Variants in HIF3A observed in about 807,000 individuals in gnomAD.
The protein encoded by HIF3A is hypoxia-inducible factor 3-alpha.
HIF3A carries 41 observed loss-of-function variants against 67.2 expected under a neutral mutation model. The observed-to-expected ratio is 0.61, with a 90% CI of 0.48 to 0.79. HIF3A has a LOEUF of 0.79. Ranked by LOEUF, HIF3A falls within the 30% of genes least tolerant of loss-of-function variation. HIF3A has a pLI of 0.00. For missense variants in HIF3A, 855 were observed against 898.0 expected, an observed-to-expected ratio of 0.95 and a Z score of 0.61; for synonymous variants, 356 against 374.8, an observed-to-expected ratio of 0.95 and a Z score of 0.58.
chr19:46,312,298 C>G, intron 7 of HIF3A, 31 bp downstream of exon 7: 1 of 1,613,936 alleles, frequency 6.2e-7, no homozygotes, highest in Non-Finnish European at 8.5e-7. Flanking sequence ...GGTGCGAAGC[C>G]AGCTGCCACA....
intron 8 of HIF3A, among the ~76,000 whole-genome samples, chr19:46,319,054 A>T (rs562159584): frequency 1.1e-3 from 164 of 152,092 alleles, no homozygotes; most frequent in Non-Finnish European, 1.5e-3. Flanking sequence ...CTTGATGAGG[A>T]TATATTTGTG....
At chr19:46,313,475 A>C (rs1381925914) in intron 8 of HIF3A, 1 of 185,562 alleles carries the variant, frequency 5.4e-6, no homozygotes, top group East Asian at 1.9e-4. Flanking sequence ...AAAAAAAAAA[A>C]AAACCTGAAA....
intron 1 of HIF3A, among the ~76,000 whole-genome samples, chr19:46,298,743 C>A (rs1186497651): frequency 6.6e-6 from 1 of 152,130 alleles, no homozygotes; most frequent in East Asian, 1.9e-4. Flanking sequence ...AGAGAGACTC[C>A]CCCAGACCCC....
At chr19:46,319,499 T>C (rs1461271399) in intron 8 of HIF3A, among the ~76,000 whole-genome samples, 2 of 151,944 alleles carry the variant, frequency 1.3e-5, no homozygotes, top group Admixed American at 6.6e-5. Context: ...TGAAGGGAGG[T>C]GCCAGGGACA....
intron 8 of HIF3A, among the ~76,000 whole-genome samples, chr19:46,319,172 C>T (rs1210564625): frequency 2.6e-5 from 4 of 152,074 alleles, no homozygotes; most frequent in African/African-American, 7.2e-5. Flanking sequence ...TGTATGTGAG[C>T]GCTCCTGTTT....
At chr19:46,338,261 G>A (rs2147333048) in intron 14 of HIF3A, 1 of 454,226 alleles carries the variant, frequency 2.2e-6, no homozygotes, top group South Asian at 1.6e-5. Flanking sequence ...GAGTGCAGTG[G>A]CACAAACACA....
In HIF3A at chr19:46,309,199, A is replaced by T. The variant is rs1969199795; in HGVS notation, c.610A>T (p.Thr204Ser). ...GAGGGCCTACAAGCCACCTGCGCAGACTTCTCCAGCTGGGAGCCCTGACTC... is the reference window on the plus strand; with the variant it reads ...GAGGGCCTACAAGCCACCTGCGCAGTCTTCTCCAGCTGGGAGCCCTGACTC... ...HMRAYKPPAQTSPAGSPDSEP... is the reference protein window; with the variant it reads ...HMRAYKPPAQSSPAGSPDSEP... Residue 204 changes from threonine (T) to serine (S), a missense_variant, in exon 6 of 15, where the codon ACT becomes TCT. Thr to Ser is a moderately conservative substitution (Grantham distance 58). This residue lies in a region of HIF3A where 638 missense variants were observed against 660.5 expected (regional missense o/e 0.97). Coordinates refer to ENST00000377670, the MANE Select transcript of HIF3A (RefSeq NM_152795.4). The T allele has an allele frequency of 6.2e-7, 1 of 1,613,860 alleles. No individual in the cohort carries two copies. Among genetic ancestry groups the T allele is most frequent in the African/African-American group, 1.3e-5 (1 of 74,864 alleles).
Position 46,341,846 on chromosome 19 carries a change from G to A in HIF3A, c.*2224G>A, listed in dbSNP as rs1453162783. 1.3e-5 allele frequency: 2 copies of A among 151,704 alleles called. No homozygotes were observed. The highest frequency in any genetic ancestry group is 4.8e-5 in the African/African-American group (2 of 41,288). 9.4% of individuals were successfully genotyped at this position (151,704 alleles called of 1,614,324 possible). ...TTTAGTAGAGACGGGGTTTTGCCAA[G>A]TTGGAGGGGCTGGTCTTGAACTCTT... On this transcript the variant is annotated 3_prime_UTR_variant, in exon 15 of 15. Coordinates refer to ENST00000377670, the MANE Select transcript of HIF3A (RefSeq NM_152795.4).
intron 6 of HIF3A, 127 bp from the exon 7 acceptor site, chr19:46,312,034 C>T: frequency 1.2e-6 from 1 of 800,204 alleles, no homozygotes; most frequent in South Asian, 1.3e-5. Context: ...CTCCTTTTCT[C>T]TCGGTTACAA....
intron 11 of HIF3A, among the ~76,000 whole-genome samples, chr19:46,327,998 T>C (rs182232727): frequency 8.5e-5 from 13 of 152,322 alleles, no homozygotes; most frequent in Non-Finnish European, 1.9e-4. Context: ...AGAGTTTTTA[T>C]TGGGGTTTCA....
At chr19:46,332,010 G>GA (rs369442758) in intron 13 of HIF3A, among the ~76,000 whole-genome samples, 116 of 152,240 alleles carry the variant, frequency 7.6e-4, no homozygotes, top group Middle Eastern at 3.4e-3. Context: ...TGGATTACTA[G>GA]TGCAGAGTTC....
chr19:46,313,261 AC>A, intron 8 of HIF3A: 1 of 964,956 alleles, frequency 1.0e-6, no homozygotes, highest in South Asian at 4.8e-5. Flanking sequence ...AAACAAACAA[AC>A]AAACAAACAA....
rs149147068 is a variant in HIF3A, at chr19:46,308,702, G to C, written c.488G>C (p.Cys163Ser). ...AAGGTGGAGGCCCCCACGGAGCGGT[G>C]CTTCTCCTTGCGCATGAAGAGTACA... ...RRKVEAPTER[C>S]FSLRMKSTLT... Residue 163 changes from cysteine (C) to serine (S), a missense_variant, in exon 5 of 15, where the codon TGC becomes TCC. By Grantham distance (112) the Cys-to-Ser change is moderately radical. Transcript: ENST00000377670. 3.9e-5 allele frequency: 63 copies of C among 1,610,714 alleles called. No homozygotes were observed. The African/African-American group carries it at 6.9e-4, about 18-fold the overall frequency.
intron 8 of HIF3A, among the ~76,000 whole-genome samples, chr19:46,313,905 A>AC (rs1346827857): frequency 4.0e-5 from 6 of 151,074 alleles, no homozygotes; most frequent in Non-Finnish European, 5.9e-5. Flanking sequence ...CAGGTGATCC[A>AC]CCCCCCTCAG....
intron 8 of HIF3A, among the ~76,000 whole-genome samples, chr19:46,319,755 C>T (rs572783721): frequency 6.6e-6 from 1 of 152,140 alleles, no homozygotes; most frequent in African/African-American, 2.4e-5. Context: ...GCTCTTTGCC[C>T]CTGGGCCTCC....
At chr19:46,308,818 G>A (rs1353994745) in intron 5 of HIF3A, 43 bp downstream of exon 5, 38 of 1,313,914 alleles carry the variant, frequency 2.9e-5, no homozygotes, top group Non-Finnish European at 2.8e-5. Flanking sequence ...CGCTGGGGCT[G>A]GGTGTGAGCC....
At chr19:46,334,855 T>C (rs1971491207) in intron 13 of HIF3A, 50 bp from the exon 14 acceptor site, 1 of 1,488,048 alleles carries the variant, frequency 6.7e-7, no homozygotes, top group Non-Finnish European at 9.3e-7. Context: ...GGCTGTTCCT[T>C]GGATACTAAT....
At chr19:46,321,059 C>T (rs541938771) in intron 9 of HIF3A, among the ~76,000 whole-genome samples, 34 of 152,300 alleles carry the variant, frequency 2.2e-4, no homozygotes, top group African/African-American at 8.2e-4. Context: ...GCCACCCATG[C>T]TCCTGGGTGT....
intron 10 of HIF3A, among the ~76,000 whole-genome samples, chr19:46,323,092 C>T (rs1271552339): frequency 1.6e-4 from 24 of 151,424 alleles, no homozygotes; most frequent in African/African-American, 5.8e-4. Context: ...CTCTTATCGC[C>T]CAGGCTGGAG....
Sources: allele counts gnomAD v4.1 joint callset (sites outside exome capture counted in the v4.1 genomes callset), GRCh38; gene constraint gnomAD v4.1.1; regional missense constraint gnomAD v4.1.1; transcripts MANE v1.5; gene names NCBI Gene and HGNC (gene_info 2026-07-23, HGNC 2026-07-21).